LEF1: variants seen among roughly 807,000 people sequenced by gnomAD.
LEF1 encodes the protein lymphoid enhancer-binding factor 1.
In LEF1, 14 loss-of-function variants were observed where a neutral mutation model predicts 51.2. The observed-to-expected ratio is 0.27, with a 90% confidence interval of 0.18 to 0.43. The LOEUF is 0.43. LEF1 is among the 20% of genes least tolerant of loss of function. The pLI, the probability that LEF1 is intolerant of heterozygous loss-of-function variation, is 1.00. For missense variants in LEF1, 386 were observed against 512.0 expected (o/e 0.75, Z 2.37); for synonymous variants, 185 against 183.2 (o/e 1.01, Z -0.08).
chr4:108,164,357 ATATAATTCTCTTCC>A (rs1745254754), intron 2 of LEF1, among the ~76,000 whole-genome samples: 1 of 152,158 alleles, frequency 6.6e-6, no homozygotes, highest in Non-Finnish European at 1.5e-5. Flanking sequence ...GAAGCCTAAT[ATATAATTCTCTTCC>A]CTGCTCCTGG....
chr4:108,128,140 T>A (rs1213043362), intron 3 of LEF1, among the ~76,000 whole-genome samples: 1 of 152,188 alleles, frequency 6.6e-6, no homozygotes, highest in Non-Finnish European at 1.5e-5. Flanking sequence ...CAGGAGAGAA[T>A]GGCAGAGTCT....
At chr4:108,115,948 C>T in intron 3 of LEF1, among the ~76,000 whole-genome samples, 1 of 151,798 alleles carries the variant, frequency 6.6e-6, no homozygotes, top group East Asian at 1.9e-4. Context: ...CTGCTTTCTT[C>T]CCTCTACTGA....
At chr4:108,113,209 T>A (rs909551466) in intron 3 of LEF1, among the ~76,000 whole-genome samples, 1 of 152,316 alleles carries the variant, frequency 6.6e-6, no homozygotes, top group African/African-American at 2.4e-5. Flanking sequence ...GATTTTTCAA[T>A]CTGGAAATCA....
intron 3 of LEF1, among the ~76,000 whole-genome samples, chr4:108,112,080 A>T (rs950806759): frequency 7.9e-5 from 12 of 152,166 alleles, no homozygotes; most frequent in African/African-American, 2.7e-4. Flanking sequence ...CGGCTGTTGG[A>T]AACAGGCAAA....
chr4:108,062,950 GGGCTAGT>G (rs1270658195), intron 11 of LEF1, among the ~76,000 whole-genome samples: 1 of 151,914 alleles, frequency 6.6e-6, no homozygotes, highest in East Asian at 1.9e-4. Flanking sequence ...CAGGTTCCTT[GGGCTAGT>G]GGTCATGTGG....
At chr4:108,157,870 C>A (rs1744828066) in intron 3 of LEF1, among the ~76,000 whole-genome samples, 1 of 152,216 alleles carries the variant, frequency 6.6e-6, no homozygotes, top group Non-Finnish European at 1.5e-5. Context: ...GGGTATTATA[C>A]AAATGCACTC....
intron 8 of LEF1, 133 bp from the exon 9 acceptor site, chr4:108,070,903 A>G (rs1738434970): frequency 3.1e-6 from 2 of 650,564 alleles, no homozygotes; most frequent in Admixed American, 2.7e-5. Context: ...CAGAAGACCA[A>G]GTGCCAAGTG....
intron 9 of LEF1, among the ~76,000 whole-genome samples, chr4:108,065,851 C>T (rs78893409): frequency 0.02 from 2,995 of 152,120 alleles, 81 homozygotes; most frequent in African/African-American, 0.066. Context: ...CATGGCTATA[C>T]GCTATTAAAA....
chr4:108,066,459 A>G (rs547835811), intron 9 of LEF1, among the ~76,000 whole-genome samples: 15 of 152,158 alleles, frequency 9.9e-5, no homozygotes, highest in Non-Finnish European at 1.6e-4. Context: ...AGCTCACTGC[A>G]TGACTGAATG....
intron 11 of LEF1, among the ~76,000 whole-genome samples, chr4:108,063,330 T>C (rs532099221): frequency 6.6e-6 from 1 of 152,058 alleles, no homozygotes; most frequent in Non-Finnish European, 1.5e-5. Context: ...AGCAGGCCGA[T>C]TTGCCACTGA....
chr4:108,149,611 A>T (rs1286199622), intron 3 of LEF1, among the ~76,000 whole-genome samples: 1 of 150,504 alleles, frequency 6.6e-6, no homozygotes, highest in East Asian at 1.9e-4. Context: ...ATATATGTAC[A>T]TATATATACA....
chr4:108,116,311 A>G (rs550798256), intron 3 of LEF1, among the ~76,000 whole-genome samples: 1 of 152,318 alleles, frequency 6.6e-6, no homozygotes. Context: ...GCTTGAACCC[A>G]GGAGTTCAAG....
Position 108,077,324 on chromosome 4 carries a change from G to A in LEF1, c.1008+896C>T, listed in dbSNP as rs191181028. Among the ~76,000 whole-genome samples the A allele has an allele frequency of 5.3e-3, 806 of 152,006 alleles. 4 individuals carry two copies. The highest frequency in any genetic ancestry group is 7.8e-3 in the Non-Finnish European group (531 of 67,964). On this transcript the variant is annotated intron_variant, in intron 8 of 11. Transcript: ENST00000265165. ...TGGGAAGTGAGGAACCCTTCTGCCC[G>A]GCCACCCAACTGACTGGTAAGAGAG... is the stretch of plus-strand genomic sequence containing the variant.
intron 4 of LEF1, among the ~76,000 whole-genome samples, chr4:108,087,275 G>A (rs1163847952): frequency 1.3e-5 from 2 of 152,104 alleles, no homozygotes; most frequent in Non-Finnish European, 2.9e-5. Flanking sequence ...GGATAAAACA[G>A]GATCTTTTTT....
intron 8 of LEF1, among the ~76,000 whole-genome samples, chr4:108,077,191 T>A (rs1342624654): frequency 2.0e-5 from 3 of 152,142 alleles, no homozygotes; most frequent in East Asian, 1.9e-4. Flanking sequence ...TTTTTTTTTT[T>A]AATTAGCCAG....
At chr4:108,157,425 C>A (rs1372038313) in intron 3 of LEF1, among the ~76,000 whole-genome samples, 2 of 152,084 alleles carry the variant, frequency 1.3e-5, no homozygotes, top group Admixed American at 1.3e-4. Flanking sequence ...AACTCCTGAC[C>A]TCAGGTGATC....
intron 3 of LEF1, among the ~76,000 whole-genome samples, chr4:108,151,245 C>A (rs1205589475): frequency 2.6e-5 from 4 of 152,202 alleles, no homozygotes; most frequent in African/African-American, 9.6e-5. Flanking sequence ...TCTAACTGGT[C>A]ACCTTTGAAC....
intron 3 of LEF1, among the ~76,000 whole-genome samples, chr4:108,144,760 C>T (rs778797515): frequency 6.8e-6 from 1 of 147,740 alleles, no homozygotes; most frequent in Non-Finnish European, 1.5e-5. Context: ...CTGGGCCACA[C>T]GAGGGTGAAA....
intron 3 of LEF1, among the ~76,000 whole-genome samples, chr4:108,097,087 C>T (rs766554967): frequency 2.0e-5 from 3 of 152,098 alleles, no homozygotes; most frequent in Non-Finnish European, 4.4e-5. Flanking sequence ...TCCCACTGCT[C>T]GGTATACTCA....
Sources: gnomAD v4.1 joint callset for allele counts (sites outside exome capture counted in the v4.1 genomes callset) on GRCh38, gnomAD v4.1.1 for gene constraint, MANE v1.5 for transcripts, NCBI Gene and HGNC (gene_info 2026-07-23, HGNC 2026-07-21) for gene names.